CACNA2D3: variants seen among roughly 807,000 people sequenced by gnomAD.
The protein encoded by CACNA2D3 is calcium voltage-gated channel auxiliary subunit alpha2delta 3.
Under a neutral mutation model 160.6 loss-of-function variants are expected in CACNA2D3, and 60 were observed. That is an observed-to-expected ratio of 0.37 (90% CI 0.30 to 0.46). The LOEUF (loss-of-function observed/expected upper bound fraction) is 0.46, where lower values mean the gene tolerates loss of function less well. Ranked by LOEUF, CACNA2D3 falls within the 20% of genes least tolerant of loss-of-function variation. The probability of loss-of-function intolerance (pLI) is 1.00; values close to 1 mark genes in which losing one functional copy is unlikely to be tolerated. For synonymous variants in CACNA2D3, 558 were observed against 492.9 expected, an observed-to-expected ratio of 1.13 and a Z score of -1.75; for missense variants, 1,205 against 1,365.0, an observed-to-expected ratio of 0.88 and a Z score of 1.85.
intron 13 of CACNA2D3, among the ~76,000 whole-genome samples, chr3:54,769,390 T>G (rs1461857085): frequency 6.6e-6 from 1 of 152,146 alleles, no homozygotes. Context: ...GATGTTTTGT[T>G]GGTATTGATA....
chr3:54,135,898 A>G (rs1165692716), intron 2 of CACNA2D3, among the ~76,000 whole-genome samples: 2 of 152,150 alleles, frequency 1.3e-5, no homozygotes, highest in Non-Finnish European at 2.9e-5. Flanking sequence ...TGGAGTCCTG[A>G]CTACCAGGCT....
At chr3:54,446,814 C>G (rs543911058) in intron 4 of CACNA2D3, among the ~76,000 whole-genome samples, 1 of 152,036 alleles carries the variant, frequency 6.6e-6, no homozygotes, top group South Asian at 2.1e-4. Flanking sequence ...CCCTGGCCTC[C>G]CCTCCCTCCC....
At chr3:54,805,220 A>G (rs1420850439) in intron 13 of CACNA2D3, among the ~76,000 whole-genome samples, 1 of 152,220 alleles carries the variant, frequency 6.6e-6, no homozygotes, top group Non-Finnish European at 1.5e-5. Context: ...ACTGAAGGAA[A>G]TAGAGACACA....
chr3:54,404,716 C>T (rs1201837968), intron 4 of CACNA2D3, among the ~76,000 whole-genome samples: 1 of 151,964 alleles, frequency 6.6e-6, no homozygotes. Context: ...TGACATGATC[C>T]TTTATGTAGA....
chr3:54,290,278 C>A (rs1703155052), intron 2 of CACNA2D3, among the ~76,000 whole-genome samples: 1 of 152,170 alleles, frequency 6.6e-6, no homozygotes, highest in Non-Finnish European at 1.5e-5. Flanking sequence ...GAAAAGAAGA[C>A]ATTTATGCAG....
At chr3:54,283,456 A>C (rs1249394362) in intron 2 of CACNA2D3, among the ~76,000 whole-genome samples, 1 of 152,256 alleles carries the variant, frequency 6.6e-6, no homozygotes, top group African/African-American at 2.4e-5. Context: ...ACATGAGAAC[A>C]AGATATTTAA....
chr3:54,715,358 C>G (rs893731170), intron 11 of CACNA2D3, among the ~76,000 whole-genome samples: 4 of 152,192 alleles, frequency 2.6e-5, no homozygotes, highest in Non-Finnish European at 5.9e-5. Context: ...CATGCCCTCT[C>G]TGGATGCACC....
At chr3:54,339,241 G>T (rs1261587230) in intron 3 of CACNA2D3, among the ~76,000 whole-genome samples, 1 of 152,148 alleles carries the variant, frequency 6.6e-6, no homozygotes, top group African/African-American at 2.4e-5. Flanking sequence ...GCCCTTGCAT[G>T]CAGTGTTCTC....
chr3:54,570,183 C>A, intron 8 of CACNA2D3, 79 bp downstream of exon 8: 2 of 1,397,602 alleles, frequency 1.4e-6, no homozygotes, highest in Non-Finnish European at 2.0e-6. Context: ...ATTGCTCTCG[C>A]TGTTAGATCC....
At chr3:54,839,692 C>T (rs1698779338) in intron 16 of CACNA2D3, among the ~76,000 whole-genome samples, 2 of 152,144 alleles carry the variant, frequency 1.3e-5, no homozygotes, top group African/African-American at 4.8e-5. Flanking sequence ...CCCTGATGTG[C>T]TGGGGCCTGA....
intron 11 of CACNA2D3, among the ~76,000 whole-genome samples, chr3:54,740,317 G>C (rs907074077): frequency 6.6e-6 from 1 of 152,092 alleles, no homozygotes; most frequent in African/African-American, 2.4e-5. Context: ...TTTCTCTGGG[G>C]CTTCTCAAAA....
intron 27 of CACNA2D3, among the ~76,000 whole-genome samples, chr3:54,957,599 G>T (rs1701931836): frequency 6.6e-6 from 1 of 152,200 alleles, no homozygotes; most frequent in Admixed American, 6.5e-5. Context: ...GGTCTGGTGT[G>T]TGTGTTAGGG....
intron 2 of CACNA2D3, among the ~76,000 whole-genome samples, chr3:54,308,398 T>G (rs1331267182): frequency 6.6e-6 from 1 of 152,054 alleles, no homozygotes; most frequent in East Asian, 1.9e-4. Context: ...GCTAAGGAGT[T>G]CAAGAAGCAG....
rs369469204 is a variant in CACNA2D3 at position 54,907,433 on chromosome 3, G to A, written c.2449+7565G>A. Among the ~76,000 whole-genome samples the A allele has an allele frequency of 7.9e-5, 12 of 152,246 alleles. No homozygotes were observed. In the East Asian group the frequency reaches 1.2e-3, roughly 15 times the overall value. On this transcript the variant is annotated intron_variant, in intron 27 of 37. Transcript: ENST00000474759. ...GTCTTAGACCCAGATTCAGTCTTGC[G>A]TTTGGGGGAGTGTCTGATTCCTGTT...
chr3:54,616,961 C>T (rs535236523), intron 9 of CACNA2D3, among the ~76,000 whole-genome samples: 6 of 152,240 alleles, frequency 3.9e-5, no homozygotes, highest in African/African-American at 7.2e-5. Context: ...TCTTCTGTCT[C>T]GGGCATTCTC....
intron 2 of CACNA2D3, among the ~76,000 whole-genome samples, chr3:54,150,419 C>T (rs1318420719): frequency 1.3e-5 from 2 of 152,176 alleles, no homozygotes; most frequent in African/African-American, 2.4e-5. Flanking sequence ...AAGTGGCTCT[C>T]CTCAGCCCCC....
At chr3:54,208,677 C>A (rs1701316676) in intron 2 of CACNA2D3, among the ~76,000 whole-genome samples, 1 of 152,102 alleles carries the variant, frequency 6.6e-6, no homozygotes, top group South Asian at 2.1e-4. Context: ...CAGGCACATC[C>A]AGTTCTGGTC....
chr3:54,597,574 C>T (rs144390405), intron 9 of CACNA2D3, among the ~76,000 whole-genome samples: 5 of 152,020 alleles, frequency 3.3e-5, no homozygotes, highest in Non-Finnish European at 7.4e-5. Flanking sequence ...GATTTCTTGT[C>T]CTGCTATAGT....
intron 2 of CACNA2D3, among the ~76,000 whole-genome samples, chr3:54,307,106 A>G (rs1192973637): frequency 6.6e-6 from 1 of 152,002 alleles, no homozygotes; most frequent in Non-Finnish European, 1.5e-5. Context: ...TGGCTTCTGG[A>G]GGCATTTGAG....
Sources: gnomAD v4.1 joint callset for allele counts (sites outside exome capture counted in the v4.1 genomes callset) on GRCh38, gnomAD v4.1.1 for gene constraint, MANE v1.5 for transcripts, NCBI Gene and HGNC (gene_info 2026-07-23, HGNC 2026-07-21) for gene names.